STXBP5L: variants seen among roughly 807,000 people sequenced by gnomAD.
STXBP5L encodes the protein syntaxin binding protein 5L, also known as syntaxin-binding protein 5-like.
In STXBP5L, 65 loss-of-function variants were observed where a neutral mutation model predicts 144.5. The observed-to-expected ratio is 0.45, with a 90% CI of 0.37 to 0.55. STXBP5L has a LOEUF of 0.55. Ranked by LOEUF, STXBP5L falls within the 20% of genes least tolerant of loss-of-function variation. STXBP5L has a pLI of 0.00. For missense variants in STXBP5L, 1,298 were observed against 1,405.5 expected (o/e 0.92, Z 1.22); for synonymous variants, 505 against 469.6 (o/e 1.08, Z -0.97).
intron 3 of STXBP5L, among the ~76,000 whole-genome samples, chr3:121,007,149 A>T (rs1372629609): frequency 6.6e-6 from 1 of 152,058 alleles, no homozygotes; most frequent in African/African-American, 2.4e-5. Context: ...TTGAAATTAT[A>T]CTTTTACATT....
At chr3:121,172,931 A>T (rs2046784738) in intron 9 of STXBP5L, among the ~76,000 whole-genome samples, 1 of 152,250 alleles carries the variant, frequency 6.6e-6, no homozygotes, top group Non-Finnish European at 1.5e-5. Context: ...GAACCAACCC[A>T]AATGTCCATC....
intron 18 of STXBP5L, among the ~76,000 whole-genome samples, chr3:121,270,822 A>G (rs1165915981): frequency 6.6e-6 from 1 of 151,924 alleles, no homozygotes; most frequent in African/African-American, 2.4e-5. Flanking sequence ...ACCTCAGCTG[A>G]GTTTGTCTGA....
chr3:121,003,965 G>T (rs1422416407), intron 3 of STXBP5L, among the ~76,000 whole-genome samples: 1 of 152,174 alleles, frequency 6.6e-6, no homozygotes. Context: ...TTGCAGTATA[G>T]TTTGAAGTCA....
Position 121,240,488 on chromosome 3 carries a change from C to G in STXBP5L, c.1381C>G (p.Pro461Ala), listed in dbSNP as rs768533171. The change falls in exon 14 of 27, where the codon CCA (proline) becomes GCA (alanine). Residue 461 changes from proline (P) to alanine (A), a missense_variant. Physicochemically the swap from Pro to Ala is conservative, Grantham distance 27 (BLOSUM62 -1). Transcript: ENST00000471454. ...GAWNLGAQTY[P>A]EIIITGHADG... ...TTGGAACCTTGGAGCACAAACATATCCAGAAATTATTATTACTGGGTAAGT... is the reference window on the plus strand; with the variant it reads ...TTGGAACCTTGGAGCACAAACATATGCAGAAATTATTATTACTGGGTAAGT... 1 of 1,613,246 alleles carries G rather than the reference C, an allele frequency of 6.2e-7. No homozygotes were observed.
intron 23 of STXBP5L, 77 bp from the exon 24 acceptor site, chr3:121,413,080 TA>T: frequency 8.9e-7 from 1 of 1,122,806 alleles, no homozygotes; most frequent in Non-Finnish European, 1.2e-6. Flanking sequence ...AATAATAGAA[TA>T]AAAATTACTG....
At chr3:121,255,283 T>C (rs1424163982) in intron 16 of STXBP5L, among the ~76,000 whole-genome samples, 171 bp downstream of exon 16, 1 of 152,106 alleles carries the variant, frequency 6.6e-6, no homozygotes, top group Non-Finnish European at 1.5e-5. Context: ...TATTAATAAA[T>C]GATTTGGCCT....
chr3:121,207,057 T>C (rs980969984), intron 10 of STXBP5L, among the ~76,000 whole-genome samples: 4 of 152,194 alleles, frequency 2.6e-5, no homozygotes, highest in Non-Finnish European at 5.9e-5. Context: ...ATTTTAATAG[T>C]ACAAAATTAT....
At position 121,259,044 on chromosome 3, in the gene STXBP5L, G is replaced by A. The variant is rs770458995; in HGVS notation, c.1834G>A (p.Val612Met). The change falls in exon 18 of 27, where the codon GTG becomes ATG. Residue 612 changes from valine (V) to methionine (M), a missense_variant and splice_region_variant. Physicochemically the swap from Val to Met is conservative, Grantham distance 21 (BLOSUM62 1). Transcript: ENST00000471454. Reference protein sequence around the residue: ...VTKDSIPCLNVKTRPVRMPPG... With the variant: ...VTKDSIPCLNMKTRPVRMPPG... ...ATAGGATTGTTTTTGTTCTTAAAGT[G>A]TGAAGACACGGCCAGTGCGAATGCC... The A allele has an allele frequency of 1.9e-6, 3 of 1,593,486 alleles. No individual in the cohort carries two copies. In the South Asian group the frequency reaches 3.4e-5, roughly 18 times the overall value.
chr3:121,390,307 A>G (rs2046547067), intron 22 of STXBP5L, among the ~76,000 whole-genome samples: 1 of 152,170 alleles, frequency 6.6e-6, no homozygotes, highest in South Asian at 2.1e-4. Context: ...GGTCTCCTGA[A>G]TACAGTACAC....
At chr3:121,357,144 A>G (rs141446997) in intron 20 of STXBP5L, 1 of 172,648 alleles carries the variant, frequency 5.8e-6, no homozygotes, top group Non-Finnish European at 1.3e-5. Context: ...CAGAAGCACA[A>G]TCACAGGTAC....
chr3:121,039,573 T>C (rs1946999849), intron 3 of STXBP5L, among the ~76,000 whole-genome samples: 1 of 152,006 alleles, frequency 6.6e-6, no homozygotes, highest in Non-Finnish European at 1.5e-5. Context: ...CTATTTGATA[T>C]CATTTCCCTT....
At position 121,399,514 on chromosome 3, in the gene STXBP5L, C is replaced by T. The variant is rs150708314; in HGVS notation, c.2588-7729C>T. ...AGAGCCCTGAACAGAGATTTACCCA[C>T]GTATTTATCAACAGCAAGCCAGTCA... On this transcript the variant is annotated intron_variant, in intron 22 of 26. Coordinates refer to ENST00000471454, the MANE Select transcript of STXBP5L (RefSeq NM_001308330.2). Among the ~76,000 whole-genome samples, 1,326 of 152,246 alleles carry T rather than the reference C, an allele frequency of 8.7e-3. 17 individuals carry two copies. Among genetic ancestry groups the T allele is most frequent in the African/African-American group, 0.031 (1,270 of 41,540 alleles).
intron 20 of STXBP5L, among the ~76,000 whole-genome samples, chr3:121,349,434 G>A (rs937262870): frequency 2.0e-5 from 3 of 151,850 alleles, no homozygotes; most frequent in East Asian, 1.9e-4. Flanking sequence ...TGTATATTCT[G>A]TTGATTTGGG....
chr3:120,989,928 G>A (rs1038127406), intron 3 of STXBP5L, among the ~76,000 whole-genome samples: 5 of 152,168 alleles, frequency 3.3e-5, no homozygotes, highest in African/African-American at 1.2e-4. Flanking sequence ...CACCACTTCT[G>A]CTCAACATAG....
intron 20 of STXBP5L, among the ~76,000 whole-genome samples, chr3:121,374,662 T>TA (rs909925346): frequency 1.1e-4 from 16 of 151,964 alleles, no homozygotes; most frequent in African/African-American, 2.7e-4. Context: ...GTGAATGGAA[T>TA]AAAAAAATAC....
intron 7 of STXBP5L, among the ~76,000 whole-genome samples, chr3:121,147,159 A>G (rs2107965438): frequency 6.6e-6 from 1 of 152,186 alleles, no homozygotes; most frequent in East Asian, 1.9e-4. Context: ...CAGACCACAC[A>G]TTATTTTCAA....
At chr3:120,917,554 C>A (rs1326426016) in intron 2 of STXBP5L, among the ~76,000 whole-genome samples, 1 of 151,894 alleles carries the variant, frequency 6.6e-6, no homozygotes. Context: ...CAAGGGGTGG[C>A]CATGGTAGCA....
At chr3:121,370,698 C>A (rs1227731953) in intron 20 of STXBP5L, among the ~76,000 whole-genome samples, 3 of 152,158 alleles carry the variant, frequency 2.0e-5, no homozygotes, top group Non-Finnish European at 4.4e-5. Context: ...AGGTTTTGTT[C>A]ATTCATTTTC....
intron 5 of STXBP5L, among the ~76,000 whole-genome samples, chr3:121,058,325 A>G (rs1017211251): frequency 1.3e-5 from 2 of 152,234 alleles, no homozygotes; most frequent in Non-Finnish European, 2.9e-5. Context: ...CTATGGCTGC[A>G]TAGGAGTCCA....
Sources: gnomAD v4.1 joint callset for allele counts (sites outside exome capture counted in the v4.1 genomes callset) on GRCh38, gnomAD v4.1.1 for gene constraint, MANE v1.5 for transcripts, NCBI Gene and HGNC (gene_info 2026-07-23, HGNC 2026-07-21) for gene names.